Variants in GPC5 observed in about 807,000 individuals in gnomAD.
The protein encoded by GPC5 is glypican-5.
In GPC5, 47 loss-of-function variants were observed where a neutral mutation model predicts 53.9. The observed-to-expected ratio is 0.87, with a 90% CI of 0.69 to 1.11. The LOEUF (loss-of-function observed/expected upper bound fraction) is 1.11, where lower values mean the gene tolerates loss of function less well. Ranked by LOEUF, GPC5 falls within the 50% of genes most tolerant of loss-of-function variation. The pLI is 0.00. For missense variants in GPC5, 748 were observed against 713.1 expected, an observed-to-expected ratio of 1.05 and a Z score of -0.56; for synonymous variants, 286 against 263.3, an observed-to-expected ratio of 1.09 and a Z score of -0.84.
chr13:92,619,080 T>A (rs1485927784), intron 7 of GPC5, among the ~76,000 whole-genome samples: 2 of 151,942 alleles, frequency 1.3e-5, no homozygotes, highest in Non-Finnish European at 2.9e-5. Context: ...GCTAAATTAC[T>A]CACTTTGTGT....
intron 6 of GPC5, among the ~76,000 whole-genome samples, chr13:91,940,794 A>G (rs575697090): frequency 6.6e-6 from 1 of 151,964 alleles, no homozygotes; most frequent in African/African-American, 2.4e-5. Context: ...GTATGTTTTC[A>G]TTTGAGAAGC....
chr13:91,437,697 T>A (rs1487865559), intron 1 of GPC5, among the ~76,000 whole-genome samples: 1 of 152,230 alleles, frequency 6.6e-6, no homozygotes, highest in Admixed American at 6.5e-5. Context: ...TGAATTTGAA[T>A]GTTGGCCTGC....
intron 6 of GPC5, among the ~76,000 whole-genome samples, chr13:92,110,956 T>C (rs576624249): frequency 6.6e-6 from 1 of 152,308 alleles, no homozygotes; most frequent in East Asian, 1.9e-4. Flanking sequence ...AACTTGTATG[T>C]ATCACCTGTT....
At chr13:91,927,038 C>T (rs1436049921) in intron 6 of GPC5, among the ~76,000 whole-genome samples, 1 of 152,066 alleles carries the variant, frequency 6.6e-6, no homozygotes, top group South Asian at 2.1e-4. Flanking sequence ...TATTTTAATG[C>T]TTGCGGTATT....
chr13:91,552,561 A>G (rs193080532), intron 2 of GPC5, among the ~76,000 whole-genome samples: 1 of 152,230 alleles, frequency 6.6e-6, no homozygotes, highest in African/African-American at 2.4e-5. Context: ...ATATTAAATT[A>G]ATTAAAAGTA....
At chr13:92,663,871 T>G (rs1035659318) in intron 7 of GPC5, among the ~76,000 whole-genome samples, 1 of 9,694 alleles carries the variant, frequency 1.0e-4, no homozygotes, top group African/African-American at 1.8e-4. Context: ...TATATATATA[T>G]ATATATATAT....
At chr13:91,584,900 A>G (rs760329945) in intron 2 of GPC5, among the ~76,000 whole-genome samples, 2 of 152,192 alleles carry the variant, frequency 1.3e-5, no homozygotes, top group South Asian at 4.1e-4. Context: ...ACTTTTGTTG[A>G]TAAAGATTCC....
intron 2 of GPC5, among the ~76,000 whole-genome samples, chr13:91,523,475 G>T (rs957667734): frequency 6.6e-6 from 1 of 152,160 alleles, no homozygotes; most frequent in Non-Finnish European, 1.5e-5. Context: ...AGCCACCACG[G>T]AGAGACAAAT....
chr13:91,622,940 G>A (rs1426149717), intron 2 of GPC5, among the ~76,000 whole-genome samples: 2 of 152,066 alleles, frequency 1.3e-5, no homozygotes, highest in Non-Finnish European at 2.9e-5. Context: ...CATAGGCTGA[G>A]GAATACATTA....
intron 7 of GPC5, among the ~76,000 whole-genome samples, chr13:92,411,978 A>G (rs1435557938): frequency 6.6e-6 from 1 of 152,168 alleles, no homozygotes; most frequent in Non-Finnish European, 1.5e-5. Context: ...CTAAATATCT[A>G]TCTCTGTGTA....
chr13:91,489,521 A>T (rs919736000), intron 2 of GPC5, among the ~76,000 whole-genome samples: 4 of 147,482 alleles, frequency 2.7e-5, no homozygotes, highest in African/African-American at 9.7e-5. Context: ...AAATATGGTT[A>T]AGTTAGGTCC....
chr13:92,363,253 A>G (rs2043582491), intron 7 of GPC5, among the ~76,000 whole-genome samples: 1 of 151,664 alleles, frequency 6.6e-6, no homozygotes, highest in East Asian at 1.9e-4. Flanking sequence ...AAAATCTTGT[A>G]ATACATGTGT....
chr13:91,637,991 A>G (rs1475088712), intron 2 of GPC5, among the ~76,000 whole-genome samples: 1 of 152,244 alleles, frequency 6.6e-6, no homozygotes, highest in Admixed American at 6.5e-5. Context: ...CTTATGCCTG[A>G]ATAGAGGATA....
chr13:91,670,671 T>C (rs1160379552), intron 2 of GPC5, among the ~76,000 whole-genome samples: 4 of 152,100 alleles, frequency 2.6e-5, no homozygotes, highest in Non-Finnish European at 4.4e-5. Flanking sequence ...GTCTATAAAT[T>C]GGAATACTCA....
intron 6 of GPC5, among the ~76,000 whole-genome samples, chr13:91,987,901 A>G (rs1200587568): frequency 2.7e-5 from 4 of 145,774 alleles, no homozygotes; most frequent in Non-Finnish European, 1.5e-5. Context: ...TTACTTATAT[A>G]TAATCATACG....
At chr13:92,807,825 G>A (rs1381385441) in intron 7 of GPC5, among the ~76,000 whole-genome samples, 3 of 152,126 alleles carry the variant, frequency 2.0e-5, no homozygotes, top group Non-Finnish European at 2.9e-5. Flanking sequence ...TGACTAACAC[G>A]CCTTTAGGTA....
At chr13:91,889,952 C>A (rs1343363129) in intron 5 of GPC5, among the ~76,000 whole-genome samples, 2 of 152,072 alleles carry the variant, frequency 1.3e-5, no homozygotes, top group African/African-American at 4.8e-5. Flanking sequence ...GAGAGAAATT[C>A]TCTAATAGAA....
intron 7 of GPC5, among the ~76,000 whole-genome samples, chr13:92,167,603 A>C (rs1381651064): frequency 1.3e-5 from 2 of 152,242 alleles, no homozygotes; most frequent in Non-Finnish European, 2.9e-5. Flanking sequence ...TTGAGACTAA[A>C]AACAATGAAA....
At chr13:92,116,381 C>T (rs1186390452) in intron 6 of GPC5, among the ~76,000 whole-genome samples, 4 of 152,122 alleles carry the variant, frequency 2.6e-5, no homozygotes, top group Non-Finnish European at 4.4e-5. Flanking sequence ...AAAACCAACT[C>T]TGCCAACACC....
Sources: gnomAD v4.1 joint callset for allele counts (sites outside exome capture counted in the v4.1 genomes callset) on GRCh38, gnomAD v4.1.1 for gene constraint, MANE v1.5 for transcripts, NCBI Gene and HGNC (gene_info 2026-07-23, HGNC 2026-07-21) for gene names.